Variants in RPAP2 observed in about 807,000 individuals in gnomAD.
RPAP2 encodes the protein RNA polymerase II associated protein 2, also known as putative RNA polymerase II subunit B1 CTD phosphatase RPAP2.
In RPAP2, 52 loss-of-function variants were observed where a neutral mutation model predicts 73.1. That is an observed-to-expected ratio of 0.71 (90% CI 0.57 to 0.90). RPAP2 has a LOEUF of 0.90. Ranked by LOEUF, RPAP2 falls within the 40% of genes least tolerant of loss-of-function variation. The pLI, the probability that RPAP2 is intolerant of heterozygous loss-of-function variation, is 0.00. For synonymous variants in RPAP2, 225 were observed against 242.1 expected, an observed-to-expected ratio of 0.93 and a Z score of 0.65; for missense variants, 598 against 701.8, an observed-to-expected ratio of 0.85 and a Z score of 1.67.
At chr1:92,314,531 C>G (rs942286319) in intron 6 of RPAP2, among the ~76,000 whole-genome samples, 12 of 152,104 alleles carry the variant, frequency 7.9e-5, no homozygotes, top group African/African-American at 2.9e-4. Flanking sequence ...CGGTGGATCA[C>G]TTGAGGTCAG....
At position 92,323,785 on chromosome 1, in the gene RPAP2, G is replaced by A. The variant is rs147112769; in HGVS notation, c.865G>A (p.Glu289Lys). Residue 289 changes from glutamate (E) to lysine (K), a missense_variant, in exon 8 of 13, where the codon GAA becomes AAA. Physicochemically the swap from Glu to Lys is moderately conservative, Grantham distance 56. Coordinates refer to ENST00000610020, the MANE Select transcript of RPAP2 (RefSeq NM_024813.3). ...TAGTCAGGAGAAAGATGCTACATGT[G>A]AACTTCCTTTACAGAAAGTAAATAC... ...LDSQEKDATC[E>K]LPLQKVNTQS... 8.8e-4 allele frequency: 1,417 copies of A among 1,614,026 alleles called. 2 individuals carry two copies. Among genetic ancestry groups the A allele is most frequent in the Non-Finnish European group, 1.1e-3 (1,253 of 1,179,940 alleles).
intron 8 of RPAP2, among the ~76,000 whole-genome samples, chr1:92,328,955 C>CTTGGTA (rs1387988159): frequency 1.3e-5 from 2 of 152,162 alleles, no homozygotes; most frequent in African/African-American, 4.8e-5. Context: ...AGGCTTCTGG[C>CTTGGTA]GGGTACTAGG....
intron 9 of RPAP2, among the ~76,000 whole-genome samples, chr1:92,333,998 A>C (rs1235378950): frequency 6.6e-6 from 1 of 152,226 alleles, no homozygotes; most frequent in East Asian, 1.9e-4. Context: ...CCAGTCATAA[A>C]TGACATTTAA....
At position 92,380,718 on chromosome 1, in the gene RPAP2, T is replaced by C; in HGVS notation, c.1689-6T>C. 6.4e-7 allele frequency: 1 copy of C among 1,573,450 alleles called. No individual in the cohort carries two copies. Among genetic ancestry groups the C allele is most frequent in the Non-Finnish European group, 8.6e-7 (1 of 1,166,102 alleles). ...GATATGCATTTAGTATTTTTGGTTGTTTCAGACTGACCCCAATTCTTGGCA... is the reference window on the plus strand; with the variant it reads ...GATATGCATTTAGTATTTTTGGTTGCTTCAGACTGACCCCAATTCTTGGCA... On this transcript the variant is annotated splice_polypyrimidine_tract_variant and splice_region_variant and intron_variant, in intron 11 of 12. Transcript: ENST00000610020.
intron 12 of RPAP2, among the ~76,000 whole-genome samples, chr1:92,383,659 T>G (rs1156393000): frequency 6.6e-6 from 1 of 152,098 alleles, no homozygotes; most frequent in Non-Finnish European, 1.5e-5. Flanking sequence ...CTTGAGGAGA[T>G]TTTGGGCTGA....
chr1:92,308,541 A>T (rs1427267127), intron 6 of RPAP2, among the ~76,000 whole-genome samples: 1 of 152,198 alleles, frequency 6.6e-6, no homozygotes, highest in Non-Finnish European at 1.5e-5. Flanking sequence ...CTACATCTTA[A>T]ATTTAACCCT....
At chr1:92,374,170 A>T (rs1655292949) in intron 11 of RPAP2, among the ~76,000 whole-genome samples, 3 of 152,170 alleles carry the variant, frequency 2.0e-5, no homozygotes, top group Non-Finnish European at 4.4e-5. Flanking sequence ...TGAGAAGCCA[A>T]CAAGAGAGAT....
chr1:92,343,582 T>C (rs1201880063), intron 10 of RPAP2, among the ~76,000 whole-genome samples: 4 of 152,224 alleles, frequency 2.6e-5, no homozygotes, highest in African/African-American at 9.6e-5. Flanking sequence ...TTCTAAAATT[T>C]GATTCAGGTA....
At chr1:92,327,900 C>A (rs1652738564) in intron 8 of RPAP2, among the ~76,000 whole-genome samples, 1 of 152,152 alleles carries the variant, frequency 6.6e-6, no homozygotes, top group East Asian at 1.9e-4. Context: ...GACTATCTTT[C>A]CTTCATTTAT....
Position 92,323,870 on chromosome 1 carries a change from G to A in RPAP2, c.950G>A (p.Ser317Asn). The A allele has an allele frequency of 1.2e-6, 2 of 1,614,008 alleles. No homozygotes were observed. Among genetic ancestry groups the A allele is most frequent in the Non-Finnish European group, 1.7e-6 (2 of 1,179,962 alleles). Residue 317 changes from serine to asparagine, a missense_variant, in exon 8 of 13, where the codon AGT becomes AAT. Transcript: ENST00000610020. ...TTAAAAGCGTCAGAAAATTCTGAAA[G>A]TGAATACAGTAGGTCAGAAATAACT... ...ERLKASENSE[S>N]EYSRSEITLV...
At chr1:92,304,238 G>T in intron 4 of RPAP2, 46 bp from the exon 5 acceptor site, 1 of 1,302,898 alleles carries the variant, frequency 7.7e-7, no homozygotes, top group Non-Finnish European at 1.1e-6. Flanking sequence ...TAACGTTCAT[G>T]TTTATTATTT....
At chr1:92,346,544 A>G (rs767505130) in intron 11 of RPAP2, among the ~76,000 whole-genome samples, 1 of 152,164 alleles carries the variant, frequency 6.6e-6, no homozygotes, top group African/African-American at 2.4e-5. Context: ...TTAGTAGTCT[A>G]TTATATTAAC....
At chr1:92,332,386 T>G (rs1653021431) in intron 8 of RPAP2, among the ~76,000 whole-genome samples, 1 of 152,138 alleles carries the variant, frequency 6.6e-6, no homozygotes, top group Non-Finnish European at 1.5e-5. Flanking sequence ...ATATTAAACA[T>G]GTATTTTAAA....
rs1656152287 is a variant in RPAP2, at chr1:92,395,083, A to C, written c.*8072A>C. The C allele has an allele frequency of 6.6e-6, 1 of 152,224 alleles. No individual in the cohort carries two copies. The highest frequency in any genetic ancestry group is 1.5e-5 in the Non-Finnish European group (1 of 68,036). The allele number at this position is 152,224 out of a possible 1,614,324, so 9.4% of individuals were successfully genotyped here. A position where few individuals can be genotyped will look rare whatever the true frequency, so the allele number is the denominator to read the frequency against. On this transcript the variant is annotated 3_prime_UTR_variant, in exon 13 of 13. Transcript: ENST00000610020. Reference sequence around the variant, plus strand: ...GATGGTCTTTTCAACAAATAGTGCTAGGATATTTGGATATCAAATGCAGAA... The same window carrying C: ...GATGGTCTTTTCAACAAATAGTGCTCGGATATTTGGATATCAAATGCAGAA...
rs1656007612 is a variant in RPAP2, at chr1:92,390,508, A to G, written c.*3497A>G. 6.6e-6 allele frequency: 1 copy of G among 152,250 alleles called. No individual in the cohort carries two copies. The highest frequency in any genetic ancestry group is 2.4e-5 in the African/African-American group (1 of 41,474). 9.4% of individuals were successfully genotyped at this position (152,250 alleles called of 1,614,324 possible). The stretch of plus-strand genomic sequence containing the variant: ...CAATTAATGGATGAAATAACCAGCT[A>G]GCATCATAATGACAGGATCAAATTC... On this transcript the variant is annotated 3_prime_UTR_variant, in exon 13 of 13. Coordinates refer to ENST00000610020, the MANE Select transcript of RPAP2 (RefSeq NM_024813.3).
chr1:92,345,117 A>AT (rs1287308843), intron 10 of RPAP2, among the ~76,000 whole-genome samples: 2 of 152,102 alleles, frequency 1.3e-5, no homozygotes, highest in African/African-American at 4.8e-5. Context: ...ATTTCTGTAA[A>AT]TTATGCATTA....
chr1:92,304,370 T>A, intron 5 of RPAP2, 21 bp downstream of exon 5: 1 of 1,408,920 alleles, frequency 7.1e-7, no homozygotes, highest in South Asian at 1.3e-5. Context: ...AGGCTTTCAT[T>A]GTGGCAATTA....
At chr1:92,353,001 C>T (rs938310380) in intron 11 of RPAP2, among the ~76,000 whole-genome samples, 1 of 152,176 alleles carries the variant, frequency 6.6e-6, no homozygotes, top group African/African-American at 2.4e-5. Context: ...CAAGATTCAT[C>T]CATTTTGTAG....
Position 92,304,330 on chromosome 1 carries a change from A to G in RPAP2, c.380A>G (p.Tyr127Cys), listed in dbSNP as rs755556221. 21 of 1,522,864 alleles carry G rather than the reference A, an allele frequency of 1.4e-5. No homozygotes were observed. Among genetic ancestry groups the G allele is most frequent in the Non-Finnish European group, 1.7e-5 (19 of 1,109,702 alleles). The allele number at this position is 1,522,864 out of a possible 1,614,324, so 94.3% of individuals were successfully genotyped here. A position where few individuals can be genotyped will look rare whatever the true frequency, so the allele number is the denominator to read the frequency against. The change falls in exon 5 of 13, where the codon TAT becomes TGT. Residue 127 changes from tyrosine (Y) to cysteine (C), a missense_variant. Coordinates refer to ENST00000610020, the MANE Select transcript of RPAP2 (RefSeq NM_024813.3). Reference protein sequence around the residue: ...YKISTKTNKVYDITERKSFCS... With the variant: ...YKISTKTNKVCDITERKSFCS... ...ATTTCTACCAAAACCAATAAAGTCT[A>G]TGATATTACTGAAAGAAAGGTGAGT... is the stretch of plus-strand genomic sequence containing the variant.
Sources: allele counts gnomAD v4.1 joint callset (sites outside exome capture counted in the v4.1 genomes callset), GRCh38; gene constraint gnomAD v4.1.1; transcripts MANE v1.5; gene names NCBI Gene and HGNC (gene_info 2026-07-23, HGNC 2026-07-21).